CNTNAP2: variants seen among roughly 807,000 people sequenced by gnomAD.
CNTNAP2 encodes the protein contactin-associated protein-like 2.
In CNTNAP2, 98 loss-of-function variants were observed where a neutral mutation model predicts 155.2. The ratio of observed to expected loss-of-function variants is 0.63; its 90% CI spans 0.54 to 0.75. The LOEUF is 0.75. Among genes scored for constraint, CNTNAP2 ranks in the 30% least tolerant of loss-of-function variants. The pLI is 0.00. For synonymous variants in CNTNAP2, 651 were observed against 631.2 expected (o/e 1.03, Z -0.47); for missense variants, 1,727 against 1,688.1 (o/e 1.02, Z -0.40).
intron 1 of CNTNAP2, among the ~76,000 whole-genome samples, chr7:146,611,378 A>G (rs1032289542): frequency 6.6e-6 from 1 of 152,210 alleles, no homozygotes; most frequent in African/African-American, 2.4e-5. Context: ...GGCGCGAGCC[A>G]CCGCACCTGG....
chr7:148,213,531 T>C (rs1218324597), intron 18 of CNTNAP2, among the ~76,000 whole-genome samples: 1 of 152,144 alleles, frequency 6.6e-6, no homozygotes, highest in Non-Finnish European at 1.5e-5. Context: ...TCATCCTGCC[T>C]GCCCCACTGT....
At chr7:146,651,390 G>A (rs1799909441) in intron 1 of CNTNAP2, among the ~76,000 whole-genome samples, 1 of 152,068 alleles carries the variant, frequency 6.6e-6, no homozygotes, top group South Asian at 2.1e-4. Flanking sequence ...TAGTAATTAG[G>A]ACAACCTAAC....
intron 6 of CNTNAP2, among the ~76,000 whole-genome samples, chr7:147,124,056 A>AAAAC (rs769128819): frequency 6.6e-6 from 1 of 152,120 alleles, no homozygotes; most frequent in Non-Finnish European, 1.5e-5. Flanking sequence ...AACAAAACAA[A>AAAAC]AAACAAACAA....
chr7:147,599,443 A>G (rs1483429679), intron 12 of CNTNAP2, among the ~76,000 whole-genome samples: 3 of 147,684 alleles, frequency 2.0e-5, no homozygotes, highest in Non-Finnish European at 4.5e-5. Flanking sequence ...AGATGGCACC[A>G]TTGCACTCCA....
At chr7:147,421,792 A>C (rs1797295445) in intron 10 of CNTNAP2, among the ~76,000 whole-genome samples, 1 of 151,918 alleles carries the variant, frequency 6.6e-6, no homozygotes, top group African/African-American at 2.4e-5. Flanking sequence ...GTAATGAATG[A>C]GCTCTCACTC....
intron 13 of CNTNAP2, among the ~76,000 whole-genome samples, chr7:147,645,543 G>A (rs1308096337): frequency 6.6e-6 from 1 of 152,190 alleles, no homozygotes; most frequent in African/African-American, 2.4e-5. Flanking sequence ...ATCGAGTAAT[G>A]TTTCATACTC....
intron 1 of CNTNAP2, among the ~76,000 whole-genome samples, chr7:146,762,135 A>G (rs1271832764): frequency 6.6e-6 from 1 of 152,208 alleles, no homozygotes; most frequent in Non-Finnish European, 1.5e-5. Flanking sequence ...ATTACTTAGA[A>G]TTAAAACCTG....
intron 1 of CNTNAP2, among the ~76,000 whole-genome samples, chr7:146,502,844 A>G (rs1290173911): frequency 1.3e-5 from 2 of 152,146 alleles, no homozygotes; most frequent in Non-Finnish European, 2.9e-5. Context: ...TGAAGTCCTG[A>G]CCTCAAGTGA....
rs139490492 is a variant in CNTNAP2, at chr7:148,010,251, A to G, written c.2383+32262A>G. ...ATATTAATATATATTATTTACATAA[A>G]CCAAATATTAATGTTTATAATTTGT... is the stretch of plus-strand genomic sequence containing the variant. On this transcript the variant is annotated intron_variant, in intron 15 of 23. Coordinates refer to ENST00000361727, the MANE Select transcript of CNTNAP2 (RefSeq NM_014141.6). Among the ~76,000 whole-genome samples the G allele has an allele frequency of 5.0e-3, 765 of 151,622 alleles. 8 individuals carry two copies. Among genetic ancestry groups the G allele is most frequent in the African/African-American group, 0.017 (696 of 41,478 alleles).
At chr7:147,639,822 T>C (rs183804452) in intron 13 of CNTNAP2, among the ~76,000 whole-genome samples, 1 of 152,170 alleles carries the variant, frequency 6.6e-6, no homozygotes, top group East Asian at 1.9e-4. Flanking sequence ...CATGTGCTAG[T>C]GTGTGTGTGA....
chr7:147,329,257 C>A (rs1342955675), intron 9 of CNTNAP2, among the ~76,000 whole-genome samples: 10 of 151,890 alleles, frequency 6.6e-5, no homozygotes, highest in Non-Finnish European at 7.4e-5. Context: ...GTGGGTGAAC[C>A]ATCTTTTATA....
At chr7:146,806,854 C>A (rs535776994) in intron 2 of CNTNAP2, among the ~76,000 whole-genome samples, 5 of 152,206 alleles carry the variant, frequency 3.3e-5, no homozygotes, top group Middle Eastern at 3.4e-3. Flanking sequence ...TGGAGTGTAA[C>A]CTGAATGACT....
At chr7:147,058,496 A>G (rs1003620744) in intron 4 of CNTNAP2, among the ~76,000 whole-genome samples, 1 of 152,206 alleles carries the variant, frequency 6.6e-6, no homozygotes, top group African/African-American at 2.4e-5. Context: ...AACCTTCATA[A>G]ATAGCATAAA....
intron 1 of CNTNAP2, among the ~76,000 whole-genome samples, chr7:146,575,899 G>A (rs895518775): frequency 3.3e-5 from 5 of 152,132 alleles, no homozygotes; most frequent in African/African-American, 9.7e-5. Context: ...AAAGGCTTAC[G>A]AAAAAGGAAA....
chr7:147,483,547 C>T (rs1269849456), intron 10 of CNTNAP2, among the ~76,000 whole-genome samples: 3 of 152,118 alleles, frequency 2.0e-5, no homozygotes, highest in African/African-American at 7.2e-5. Flanking sequence ...CCTGGTTTTC[C>T]TCTGCTACTT....
intron 9 of CNTNAP2, among the ~76,000 whole-genome samples, chr7:147,370,403 A>G (rs17170447): frequency 0.2 from 30,741 of 152,074 alleles, 3,566 homozygotes; most frequent in African/African-American, 0.32. Flanking sequence ...TTTCTTGTCT[A>G]TCACTTGCAG....
chr7:147,403,838 T>A (rs1796959177), intron 10 of CNTNAP2, among the ~76,000 whole-genome samples: 1 of 152,130 alleles, frequency 6.6e-6, no homozygotes, highest in Non-Finnish European at 1.5e-5. Context: ...AAAAATTTTA[T>A]TAGTGTTTCT....
chr7:147,514,753 T>A (rs530085066), intron 11 of CNTNAP2, among the ~76,000 whole-genome samples: 1 of 152,290 alleles, frequency 6.6e-6, no homozygotes, highest in East Asian at 1.9e-4. Context: ...AAACCCATCC[T>A]GGCTGCCTCT....
chr7:148,055,900 A>G (rs1297791529), intron 15 of CNTNAP2, among the ~76,000 whole-genome samples: 1 of 152,178 alleles, frequency 6.6e-6, no homozygotes, highest in East Asian at 1.9e-4. Flanking sequence ...TAGCCTTGAT[A>G]ACCTGGCCAC....
Sources: gnomAD v4.1 joint callset for allele counts (sites outside exome capture counted in the v4.1 genomes callset) on GRCh38, gnomAD v4.1.1 for gene constraint, MANE v1.5 for transcripts, NCBI Gene and HGNC (gene_info 2026-07-23, HGNC 2026-07-21) for gene names.